Variants in CMTM7 observed in about 807,000 individuals in gnomAD.
The protein encoded by CMTM7 is CKLF-like MARVEL transmembrane domain-containing protein 7.
In CMTM7, 7 loss-of-function variants were observed where a neutral mutation model predicts 19.3. The observed-to-expected ratio is 0.36, with a 90% CI of 0.21 to 0.68. CMTM7 has a LOEUF of 0.68. CMTM7 is among the 30% of genes least tolerant of loss of function. The probability of loss-of-function intolerance (pLI) is 0.60; values close to 1 mark genes in which losing one functional copy is unlikely to be tolerated. For synonymous variants in CMTM7, 87 were observed against 99.3 expected, an observed-to-expected ratio of 0.88 and a Z score of 0.74; for missense variants, 193 against 232.6, an observed-to-expected ratio of 0.83 and a Z score of 1.11.
At chr3:32,402,385 T>G (rs1696023567) in intron 1 of CMTM7, among the ~76,000 whole-genome samples, 1 of 151,924 alleles carries the variant, frequency 6.6e-6, no homozygotes, top group Non-Finnish European at 1.5e-5. Flanking sequence ...GTGCTGGGAT[T>G]ACAGGCACCA....
At chr3:32,440,730 A>G (rs1245637897) in intron 1 of CMTM7, among the ~76,000 whole-genome samples, 1 of 152,186 alleles carries the variant, frequency 6.6e-6, no homozygotes, top group Non-Finnish European at 1.5e-5. Context: ...GTGAGCTGAG[A>G]TTGGTTCACT....
intron 1 of CMTM7, among the ~76,000 whole-genome samples, chr3:32,419,675 A>G (rs1033104491): frequency 6.6e-6 from 1 of 152,242 alleles, no homozygotes; most frequent in Non-Finnish European, 1.5e-5. Flanking sequence ...CATAAGGCAT[A>G]TACATTTGAA....
intron 4 of CMTM7, 107 bp downstream of exon 4, chr3:32,452,580 C>G: frequency 8.7e-7 from 1 of 1,148,778 alleles, no homozygotes; most frequent in Non-Finnish European, 1.3e-6. Context: ...GGCTGTGTTC[C>G]AAGGGGACTT....
At chr3:32,394,968 T>TTACA (rs1039284780) in intron 1 of CMTM7, among the ~76,000 whole-genome samples, 2 of 151,894 alleles carry the variant, frequency 1.3e-5, no homozygotes, top group African/African-American at 4.8e-5. Flanking sequence ...AGCGCTGGTA[T>TTACA]TACAGGTGTG....
chr3:32,452,223 TTCC>T, intron 3 of CMTM7, 166 bp from the exon 4 acceptor site: 1 of 1,520,286 alleles, frequency 6.6e-7, no homozygotes, highest in Non-Finnish European at 8.8e-7. Flanking sequence ...CTCGCGGGGC[TTCC>T]TCTCTGCACC....
intron 1 of CMTM7, among the ~76,000 whole-genome samples, chr3:32,422,415 C>T (rs1403863234): frequency 6.6e-6 from 1 of 152,224 alleles, no homozygotes. Context: ...ATATTTATTT[C>T]CCCAGGATAG....
chr3:32,451,889 G>A (rs781704175), intron 3 of CMTM7: 48 of 386,688 alleles, frequency 1.2e-4, no homozygotes, highest in African/African-American at 5.9e-4. Flanking sequence ...ATGTACAAAC[G>A]TAAACCTAGA....
At chr3:32,419,634 C>T (rs777850075) in intron 1 of CMTM7, among the ~76,000 whole-genome samples, 3 of 152,104 alleles carry the variant, frequency 2.0e-5, no homozygotes, top group Admixed American at 6.6e-5. Context: ...TCAGTTGATA[C>T]GAATATATGG....
At chr3:32,423,694 C>T (rs1040672894) in intron 1 of CMTM7, among the ~76,000 whole-genome samples, 11 of 152,220 alleles carry the variant, frequency 7.2e-5, no homozygotes, top group African/African-American at 2.2e-4. Context: ...GTTTATCAAG[C>T]TATTCTCAAG....
intron 2 of CMTM7, among the ~76,000 whole-genome samples, chr3:32,448,072 AG>A (rs1249106071): frequency 6.6e-6 from 1 of 152,348 alleles, no homozygotes; most frequent in East Asian, 1.9e-4. Context: ...AGAGAACAAA[AG>A]CTCAGGGACA....
At chr3:32,405,716 A>ACTGC (rs551837431) in intron 1 of CMTM7, among the ~76,000 whole-genome samples, 12 of 152,186 alleles carry the variant, frequency 7.9e-5, no homozygotes, top group Non-Finnish European at 1.5e-4. Flanking sequence ...GATCTATGCC[A>ACTGC]CTGCACTTCA....
At chr3:32,397,462 T>C (rs1259193038) in intron 1 of CMTM7, among the ~76,000 whole-genome samples, 1 of 152,118 alleles carries the variant, frequency 6.6e-6, no homozygotes, top group Non-Finnish European at 1.5e-5. Flanking sequence ...GGGCCGGGTG[T>C]GGTGGCTCAC....
intron 1 of CMTM7, among the ~76,000 whole-genome samples, chr3:32,409,541 G>A (rs1037794968): frequency 6.6e-6 from 1 of 152,136 alleles, no homozygotes; most frequent in Non-Finnish European, 1.5e-5. Flanking sequence ...CTTGGGTCTA[G>A]GATCCCATCC....
chr3:32,425,009 G>A (rs1263977599), intron 1 of CMTM7, among the ~76,000 whole-genome samples: 3 of 152,150 alleles, frequency 2.0e-5, no homozygotes, highest in Admixed American at 1.3e-4. Flanking sequence ...AAAAAACATA[G>A]AAGAGGCAGG....
chr3:32,440,606 C>T (rs1271448313), intron 1 of CMTM7, among the ~76,000 whole-genome samples: 3 of 152,110 alleles, frequency 2.0e-5, no homozygotes, highest in Admixed American at 6.5e-5. Context: ...GGCAAAACCC[C>T]GTCTCTACTA....
chr3:32,450,583 C>T (rs1160481690), intron 3 of CMTM7, among the ~76,000 whole-genome samples: 2 of 152,080 alleles, frequency 1.3e-5, no homozygotes, highest in African/African-American at 4.8e-5. Context: ...AGAGGGTGGC[C>T]AAACCTCCCA....
intron 1 of CMTM7, among the ~76,000 whole-genome samples, chr3:32,422,965 A>G (rs1160027205): frequency 6.6e-6 from 1 of 152,264 alleles, no homozygotes; most frequent in Non-Finnish European, 1.5e-5. Flanking sequence ...TTGAAAAATC[A>G]TAAGTTGAAC....
At chr3:32,392,452 C>G (rs947392355) in intron 1 of CMTM7, among the ~76,000 whole-genome samples, 5 of 152,248 alleles carry the variant, frequency 3.3e-5, no homozygotes, top group African/African-American at 1.2e-4. Flanking sequence ...GAAGAGTCGC[C>G]CAGGCGGCGG....
intron 1 of CMTM7, among the ~76,000 whole-genome samples, chr3:32,407,830 T>G (rs909388094): frequency 6.6e-6 from 1 of 152,208 alleles, no homozygotes; most frequent in Admixed American, 6.5e-5. Flanking sequence ...TTTATGGATG[T>G]GATCACTACT....
Sources: allele counts gnomAD v4.1 joint callset (sites outside exome capture counted in the v4.1 genomes callset), GRCh38; gene constraint gnomAD v4.1.1; transcripts MANE v1.5; gene names NCBI Gene and HGNC (gene_info 2026-07-23, HGNC 2026-07-21).